Variants in PTPRG observed in about 807,000 individuals in gnomAD.
The protein encoded by PTPRG is receptor-type tyrosine-protein phosphatase gamma.
PTPRG carries 102 observed loss-of-function variants against 165.3 expected under a neutral mutation model. The observed-to-expected ratio is 0.62, with a 90% CI of 0.53 to 0.73. The LOEUF is 0.73. Ranked by LOEUF, PTPRG falls within the 30% of genes least tolerant of loss-of-function variation. The pLI, the probability that PTPRG is intolerant of heterozygous loss-of-function variation, is 0.00. For synonymous variants in PTPRG, 675 were observed against 669.5 expected (o/e 1.01, Z -0.13); for missense variants, 1,866 against 1,861.4 (o/e 1.00, Z -0.05).
intron 2 of PTPRG, among the ~76,000 whole-genome samples, chr3:61,871,736 C>T (rs1170858218): frequency 2.0e-5 from 3 of 152,130 alleles, no homozygotes; most frequent in African/African-American, 7.2e-5. Flanking sequence ...GGGGTTGTAG[C>T]TTTGGTAGTC....
chr3:61,712,887 G>A (rs560453505), intron 1 of PTPRG, among the ~76,000 whole-genome samples: 1 of 152,278 alleles, frequency 6.6e-6, no homozygotes, highest in Admixed American at 6.5e-5. Flanking sequence ...TCAATGGTAT[G>A]TTGACATTTT....
At chr3:61,694,376 C>T (rs991802495) in intron 1 of PTPRG, among the ~76,000 whole-genome samples, 10 of 151,986 alleles carry the variant, frequency 6.6e-5, no homozygotes, top group Admixed American at 3.3e-4. Context: ...TGTTGATTGG[C>T]GAAGATCAAA....
At chr3:61,974,550 C>G (rs1253593060) in intron 2 of PTPRG, among the ~76,000 whole-genome samples, 1 of 121,886 alleles carries the variant, frequency 8.2e-6, no homozygotes, top group Non-Finnish European at 1.7e-5. Flanking sequence ...AAGATTCCAT[C>G]TTAAAAAAAA....
At chr3:62,141,553 T>C (rs1463197388) in intron 6 of PTPRG, among the ~76,000 whole-genome samples, 2 of 152,100 alleles carry the variant, frequency 1.3e-5, no homozygotes, top group African/African-American at 4.8e-5. Context: ...GAGCCAAGAT[T>C]GTGCCACTGC....
At chr3:62,231,677 T>C (rs1288581360) in intron 14 of PTPRG, among the ~76,000 whole-genome samples, 3 of 152,144 alleles carry the variant, frequency 2.0e-5, no homozygotes, top group African/African-American at 7.2e-5. Flanking sequence ...TAAAAAAACA[T>C]ATAATGCATG....
chr3:62,035,696 T>C (rs776374061), intron 4 of PTPRG, among the ~76,000 whole-genome samples: 6 of 152,222 alleles, frequency 3.9e-5, no homozygotes, highest in Admixed American at 6.5e-5. Flanking sequence ...AGCAAGCACA[T>C]TGGAAACCAC....
At chr3:62,292,617 T>A (rs905486172) in intron 29 of PTPRG, 61 bp downstream of exon 29, 7 of 1,573,252 alleles carry the variant, frequency 4.4e-6, no homozygotes, top group Non-Finnish European at 6.1e-6. Context: ...GACTCACAGT[T>A]TAGAGCAGTA....
chr3:61,724,076 AC>A (rs1354771061), intron 1 of PTPRG, among the ~76,000 whole-genome samples: 2 of 152,106 alleles, frequency 1.3e-5, no homozygotes, highest in Non-Finnish European at 2.9e-5. Context: ...TACTAAAAAT[AC>A]GAAAATTAGC....
intron 1 of PTPRG, among the ~76,000 whole-genome samples, chr3:61,592,764 C>T (rs1364078934): frequency 2.0e-5 from 3 of 151,660 alleles, no homozygotes; most frequent in African/African-American, 7.3e-5. Context: ...GAAGGCAGTC[C>T]CACAAGTTTG....
At chr3:62,246,008 TTTAA>T (rs1701281414) in intron 15 of PTPRG, among the ~76,000 whole-genome samples, 1 of 152,192 alleles carries the variant, frequency 6.6e-6, no homozygotes, top group Non-Finnish European at 1.5e-5. Context: ...CAGTTACCTA[TTTAA>T]TTAAGAAGTT....
Position 62,222,769 on chromosome 3 carries a change from C to T in PTPRG, c.2288+3786C>T, listed in dbSNP as rs151177742. On this transcript the variant is annotated intron_variant, in intron 13 of 29. Transcript: ENST00000474889. This position sits in a 1 kb window ranked among gnomAD's most constrained non-coding sequence, Gnocchi z 4.5. ...TGTGCACTGGAGCCATTTTCAGCTTCCTATTATTTATGCAATGCTTACAGA... is the reference window on the plus strand; with the variant it reads ...TGTGCACTGGAGCCATTTTCAGCTTTCTATTATTTATGCAATGCTTACAGA... 3.8e-4 allele frequency among the ~76,000 whole-genome samples: 58 copies of T among 152,256 alleles called. No individual in the cohort carries two copies. Among genetic ancestry groups the T allele is most frequent in the African/African-American group, 1.3e-3 (56 of 41,546 alleles).
chr3:62,253,019 A>G (rs144762025), intron 15 of PTPRG, among the ~76,000 whole-genome samples: 25 of 152,332 alleles, frequency 1.6e-4, no homozygotes, highest in African/African-American at 6.0e-4. Context: ...GCTTCTAGCC[A>G]TAGTGGCAGC....
intron 2 of PTPRG, among the ~76,000 whole-genome samples, chr3:61,967,214 A>G (rs1277842932): frequency 1.3e-5 from 2 of 152,206 alleles, no homozygotes; most frequent in African/African-American, 4.8e-5. Flanking sequence ...CAGTTATCAC[A>G]GGCCTTATCT....
At chr3:61,721,048 A>G (rs544907581) in intron 1 of PTPRG, among the ~76,000 whole-genome samples, 27 of 152,304 alleles carry the variant, frequency 1.8e-4, no homozygotes, top group Non-Finnish European at 3.4e-4. Flanking sequence ...AGGATTATTT[A>G]ACTTCTTCTT....
Position 61,738,288 on chromosome 3 carries a change from A to ATGTG in PTPRG, c.86-10589_86-10588insGTGT, listed in dbSNP as rs1559583219. Among the ~76,000 whole-genome samples, 26 of 69,836 alleles carry ATGTG rather than the reference A, an allele frequency of 3.7e-4. 1 individual carries two copies. The highest frequency in any genetic ancestry group is 6.1e-3 in the Middle Eastern group (1 of 164). The allele number at this position is 69,836 out of a possible 152,430, so 45.8% of individuals were successfully genotyped here. A position where few individuals can be genotyped will look rare whatever the true frequency, so the allele number is the denominator to read the frequency against. Reference sequence around the variant, plus strand: ...TATATATATATATATACATATATATATATATATATATATATATATATATAC... The same window carrying ATGTG: ...TATATATATATATATACATATATATATGTGTATATATATATATATATATATATAC... On this transcript the variant is annotated intron_variant, in intron 1 of 29. Coordinates refer to ENST00000474889, the MANE Select transcript of PTPRG (RefSeq NM_002841.4).
chr3:61,748,899 G>C lies in PTPRG; in HGVS notation c.107G>C (p.Gly36Ala). 1 of 1,613,426 alleles carries C rather than the reference G, an allele frequency of 6.2e-7. No homozygotes were observed. Among genetic ancestry groups the C allele is most frequent in the Non-Finnish European group, 8.5e-7 (1 of 1,179,928 alleles). Reference protein sequence around the residue: ...CFPALTEGYVGALHENRHGSA... With the variant: ...CFPALTEGYVAALHENRHGSA... Reference sequence around the variant, plus strand: ...CCAGCGTTGACAGAAGGCTACGTTGGGGCCCTGCACGAGAATAGACACGGC... The same window carrying C: ...CCAGCGTTGACAGAAGGCTACGTTGCGGCCCTGCACGAGAATAGACACGGC... Residue 36 changes from glycine to alanine, a missense_variant, in exon 2 of 30, where the codon GGG (glycine) becomes GCG (alanine). This residue lies in a region of PTPRG where 408 missense variants were observed against 376.2 expected (regional missense o/e 1.08). Coordinates refer to ENST00000474889, the MANE Select transcript of PTPRG (RefSeq NM_002841.4).
At chr3:61,900,819 A>G (rs1364201318) in intron 2 of PTPRG, among the ~76,000 whole-genome samples, 3 of 152,148 alleles carry the variant, frequency 2.0e-5, no homozygotes, top group African/African-American at 7.2e-5. Context: ...CGTAGGTGGC[A>G]GTACAGAATA....
intron 2 of PTPRG, among the ~76,000 whole-genome samples, chr3:61,919,386 TAGAA>T (rs2039022674): frequency 6.6e-6 from 1 of 152,208 alleles, no homozygotes. Context: ...AGCCAACAAA[TAGAA>T]AGCAAATCAA....
In PTPRG at chr3:62,193,770, A is replaced by G. The variant is rs376719358; in HGVS notation, c.1219-1292A>G. The stretch of plus-strand genomic sequence containing the variant: ...CACAATAACATTTTAATACCAGTTC[A>G]GAGGTTTTCAATAGCTGCGTTGGGA... On this transcript the variant is annotated intron_variant, in intron 9 of 29. Transcript: ENST00000474889. Among the ~76,000 whole-genome samples, 98 of 152,352 alleles carry G rather than the reference A, an allele frequency of 6.4e-4. 1 individual carries two copies. The highest frequency in any genetic ancestry group is 2.2e-3 in the African/African-American group (92 of 41,582).
Sources: gnomAD v4.1 joint callset for allele counts (sites outside exome capture counted in the v4.1 genomes callset) on GRCh38, gnomAD v4.1.1 for gene constraint, gnomAD v4.1.1 regional missense constraint, Gnocchi (gnomAD v3.1) non-coding constraint, MANE v1.5 for transcripts, NCBI Gene and HGNC (gene_info 2026-07-23, HGNC 2026-07-21) for gene names.